Variants in AFAP1L2 observed in about 807,000 individuals in gnomAD.
The protein encoded by AFAP1L2 is actin filament-associated protein 1-like 2.
AFAP1L2 carries 46 observed loss-of-function variants against 99.3 expected under a neutral mutation model. The observed-to-expected ratio is 0.46, with a 90% CI of 0.37 to 0.59. The LOEUF is 0.59. AFAP1L2 is among the 20% of genes least tolerant of loss of function. The pLI is 0.00. For synonymous variants in AFAP1L2, 397 were observed against 419.1 expected (o/e 0.95, Z 0.64); for missense variants, 959 against 1,034.9 (o/e 0.93, Z 1.01).
intron 1 of AFAP1L2, among the ~76,000 whole-genome samples, chr10:114,391,322 C>T (rs1412036786): frequency 6.6e-6 from 1 of 152,046 alleles, no homozygotes; most frequent in Admixed American, 6.5e-5. Flanking sequence ...TGGATTCAAG[C>T]GATTCTCCTG....
intron 2 of AFAP1L2, among the ~76,000 whole-genome samples, chr10:114,338,600 A>G (rs890068524): frequency 8.5e-5 from 13 of 152,242 alleles, no homozygotes; most frequent in African/African-American, 2.7e-4. Context: ...AATACTACTC[A>G]GCAATAAAAG....
At chr10:114,388,999 T>C (rs11814306) in intron 1 of AFAP1L2, among the ~76,000 whole-genome samples, 6,130 of 152,270 alleles carry the variant, frequency 0.04, 418 homozygotes, top group African/African-American at 0.14. Flanking sequence ...GGGAAAACAG[T>C]GACACCACCA....
At position 114,295,310 on chromosome 10, in the gene AFAP1L2, T is replaced by G. The variant is rs144752430; in HGVS notation, c.*732A>C. ...TTTCACTGTTCTAAATGACAGGATTTTAAGCATTTTTTCCTATATATAATA... is the reference window on the plus strand; with the variant it reads ...TTTCACTGTTCTAAATGACAGGATTGTAAGCATTTTTTCCTATATATAATA... On this transcript the variant is annotated 3_prime_UTR_variant, in exon 19 of 19. Transcript: ENST00000304129. The G allele has an allele frequency of 1.3e-4, 127 of 985,206 alleles. No individual in the cohort carries two copies. The highest frequency in any genetic ancestry group is 1.5e-4 in the Non-Finnish European group (123 of 829,300). 61.0% of individuals were successfully genotyped at this position (985,206 alleles called of 1,614,324 possible).
At chr10:114,290,332 CG>C, downstream of AFAP1L2, 1 of 1,550,572 alleles carries the variant, frequency 6.4e-7, no homozygotes, top group African/African-American at 1.4e-5. Flanking sequence ...CTGCAAGTGT[CG>C]GGATGGCTGG....
At chr10:114,308,673 C>G (rs564607406) in intron 8 of AFAP1L2, among the ~76,000 whole-genome samples, 156 bp from the exon 9 acceptor site, 1 of 152,332 alleles carries the variant, frequency 6.6e-6, no homozygotes, top group African/African-American at 2.4e-5. Context: ...ATCCAGGTCA[C>G]TGGTAGGACA....
At chr10:114,382,845 T>C (rs1051763861) in intron 1 of AFAP1L2, among the ~76,000 whole-genome samples, 1 of 152,172 alleles carries the variant, frequency 6.6e-6, no homozygotes, top group Non-Finnish European at 1.5e-5. Flanking sequence ...TCCGCTCGCC[T>C]CAGCCTCCCA....
chr10:114,289,804 A>G, the AFAP1L2 span: 6 of 412,738 alleles, frequency 1.5e-5, no homozygotes, highest in East Asian at 3.1e-4. Context: ...AAGATCCCAC[A>G]TTCACACTGA....
Position 114,296,018 on chromosome 10 carries a change from G to A in AFAP1L2, c.*24C>T, listed in dbSNP as rs374370362. On this transcript the variant is annotated 3_prime_UTR_variant, in exon 19 of 19. Transcript: ENST00000304129. ...GTCACCAAGGTCCACATTGACATGA[G>A]AGTCTTTAGATGAAGCTTGTTTTCT... is the stretch of plus-strand genomic sequence containing the variant. The A allele has an allele frequency of 4.3e-6, 7 of 1,614,086 alleles. No individual in the cohort carries two copies. The highest frequency in any genetic ancestry group is 1.1e-5 in the South Asian group (1 of 91,068).
chr10:114,399,692 A>T (rs2058061258), intron 1 of AFAP1L2, among the ~76,000 whole-genome samples: 1 of 152,150 alleles, frequency 6.6e-6, no homozygotes, highest in African/African-American at 2.4e-5. Flanking sequence ...TTGAGAAATG[A>T]ATTCCTCACA....
At chr10:114,282,609 G>A in the AFAP1L2 span, 10 of 1,586,786 alleles carry the variant, frequency 6.3e-6, no homozygotes, top group East Asian at 2.0e-4. Context: ...TTCTTTCAGG[G>A]CCCTGGGCCC....
chr10:114,316,713 A>T (rs1019140413), intron 5 of AFAP1L2, among the ~76,000 whole-genome samples: 1 of 152,184 alleles, frequency 6.6e-6, no homozygotes, highest in Non-Finnish European at 1.5e-5. Context: ...ATGTGAAGAA[A>T]AATCAATCAG....
At chr10:114,395,610 T>C (rs1730759982) in intron 1 of AFAP1L2, among the ~76,000 whole-genome samples, 1 of 151,066 alleles carries the variant, frequency 6.6e-6, no homozygotes, top group Non-Finnish European at 1.5e-5. Context: ...GTATAAAAAC[T>C]GGGGGAGAAA....
intron 1 of AFAP1L2, among the ~76,000 whole-genome samples, chr10:114,344,987 C>G (rs1461987404): frequency 2.6e-5 from 4 of 151,906 alleles, no homozygotes; most frequent in Admixed American, 1.3e-4. Flanking sequence ...ATCCCAGCTA[C>G]CCGGGGGGCT....
intron 8 of AFAP1L2, 96 bp downstream of exon 8, chr10:114,310,258 C>A (rs1445954144): frequency 1.6e-6 from 2 of 1,269,762 alleles, no homozygotes; most frequent in African/African-American, 3.0e-5. Context: ...ATTAATTGGA[C>A]TGAAATATAA....
chr10:114,308,568 T>C (rs2042763071), intron 8 of AFAP1L2, 51 bp from the exon 9 acceptor site: 2 of 1,505,472 alleles, frequency 1.3e-6, no homozygotes, highest in Non-Finnish European at 1.8e-6. Flanking sequence ...AACAGTTACC[T>C]TGGAGACCAC....
intron 2 of AFAP1L2, among the ~76,000 whole-genome samples, chr10:114,339,446 CA>C (rs55974403): frequency 5.4e-5 from 8 of 147,860 alleles, no homozygotes; most frequent in Admixed American, 1.3e-4. Context: ...GACTCCGTCT[CA>C]AAAAAAAAAG....
intron 2 of AFAP1L2, among the ~76,000 whole-genome samples, chr10:114,337,853 G>A (rs2048213824): frequency 6.6e-6 from 1 of 152,258 alleles, no homozygotes; most frequent in African/African-American, 2.4e-5. Flanking sequence ...ACTTTTTAGA[G>A]GATTCCACTG....
chr10:114,364,793 C>T (rs1429287317), intron 1 of AFAP1L2, among the ~76,000 whole-genome samples: 34 of 152,170 alleles, frequency 2.2e-4, no homozygotes, highest in Admixed American at 2.2e-3. Flanking sequence ...AAGATCCTTC[C>T]TCCTCCACTA....
the AFAP1L2 span, chr10:114,286,309 C>T: frequency 6.2e-7 from 1 of 1,611,814 alleles, no homozygotes; most frequent in Non-Finnish European, 8.5e-7. Flanking sequence ...CTGAGTCACA[C>T]TCCGAGGATG....
Sources: gnomAD v4.1 joint callset for allele counts (sites outside exome capture counted in the v4.1 genomes callset) on GRCh38, gnomAD v4.1.1 for gene constraint, MANE v1.5 for transcripts, NCBI Gene and HGNC (gene_info 2026-07-23, HGNC 2026-07-21) for gene names.